PDE4D: variants seen among roughly 807,000 people sequenced by gnomAD.
PDE4D encodes the protein phosphodiesterase 4D.
Under a neutral mutation model 87.4 loss-of-function variants are expected in PDE4D, and 24 were observed. That is an observed-to-expected ratio of 0.27 (90% confidence interval 0.20 to 0.39). The LOEUF is 0.39. Ranked by LOEUF, PDE4D falls within the 10% of genes least tolerant of loss-of-function variation. The pLI, the probability that PDE4D is intolerant of heterozygous loss-of-function variation, is 1.00. For missense variants in PDE4D, 714 were observed against 1,041.0 expected (o/e 0.69, Z 4.32); for synonymous variants, 384 against 383.2 (o/e 1.00, Z -0.02).
intron 1 of PDE4D, among the ~76,000 whole-genome samples, chr5:59,645,689 A>G (rs1026052446): frequency 6.6e-6 from 1 of 152,180 alleles, no homozygotes; most frequent in Non-Finnish European, 1.5e-5. Context: ...AGGCACCACA[A>G]GTCTGTGTGG....
intron 1 of PDE4D, among the ~76,000 whole-genome samples, chr5:60,252,557 G>A (rs1054106257): frequency 8.6e-5 from 13 of 151,738 alleles, no homozygotes; most frequent in Non-Finnish European, 1.6e-4. Flanking sequence ...AGAGTTGAAA[G>A]ACATTTGAAA....
At chr5:59,429,372 C>G (rs926968472) in intron 1 of PDE4D, among the ~76,000 whole-genome samples, 3 of 152,106 alleles carry the variant, frequency 2.0e-5, no homozygotes, top group Non-Finnish European at 2.9e-5. Context: ...AAAATATTGT[C>G]TCACAAAAAT....
chr5:59,183,853 A>G (rs1256919814), intron 4 of PDE4D, among the ~76,000 whole-genome samples: 1 of 152,194 alleles, frequency 6.6e-6, no homozygotes, highest in Non-Finnish European at 1.5e-5. Flanking sequence ...GCATTATGCT[A>G]GGCACAGGGA....
At chr5:59,673,679 T>C (rs1468288369) in intron 1 of PDE4D, among the ~76,000 whole-genome samples, 1 of 152,142 alleles carries the variant, frequency 6.6e-6, no homozygotes, top group African/African-American at 2.4e-5. Context: ...GCATTTTCTC[T>C]CAAAGCTCTG....
chr5:59,856,060 T>G (rs138178298), intron 1 of PDE4D, among the ~76,000 whole-genome samples: 1 of 152,164 alleles, frequency 6.6e-6, no homozygotes, highest in Non-Finnish European at 1.5e-5. Flanking sequence ...AGACTGAATG[T>G]AGAGCTCATA....
intron 1 of PDE4D, among the ~76,000 whole-genome samples, chr5:59,455,823 A>C (rs1465383700): frequency 6.6e-6 from 1 of 152,212 alleles, no homozygotes; most frequent in Non-Finnish European, 1.5e-5. Flanking sequence ...CCCAAATGTG[A>C]GACATGGAGT....
At chr5:59,865,880 T>C (rs1478003907) in intron 1 of PDE4D, among the ~76,000 whole-genome samples, 2 of 152,228 alleles carry the variant, frequency 1.3e-5, no homozygotes, top group African/African-American at 2.4e-5. Context: ...GTAACTATAG[T>C]AAAGTGTGTG....
intron 1 of PDE4D, among the ~76,000 whole-genome samples, chr5:60,508,712 C>T (rs1036219072): frequency 2.6e-5 from 4 of 152,174 alleles, no homozygotes; most frequent in African/African-American, 4.8e-5. Flanking sequence ...ACAATATTTT[C>T]ATCACCTAAT....
intron 1 of PDE4D, among the ~76,000 whole-genome samples, chr5:59,834,966 C>T (rs1741784422): frequency 6.6e-6 from 1 of 151,996 alleles, no homozygotes; most frequent in Non-Finnish European, 1.5e-5. Context: ...CCCATTAAAA[C>T]CTGCTTTCAG....
At chr5:60,219,607 G>A (rs932503858) in intron 1 of PDE4D, among the ~76,000 whole-genome samples, 1 of 152,156 alleles carries the variant, frequency 6.6e-6, no homozygotes, top group African/African-American at 2.4e-5. Context: ...GAGAATTTCA[G>A]TTTACAAATT....
At chr5:59,626,363 C>T (rs1579960184) in intron 1 of PDE4D, among the ~76,000 whole-genome samples, 1 of 152,254 alleles carries the variant, frequency 6.6e-6, no homozygotes. Context: ...AAAATATATA[C>T]AATTTCAATT....
intron 1 of PDE4D, among the ~76,000 whole-genome samples, chr5:59,336,132 A>G (rs1336472574): frequency 6.6e-6 from 1 of 152,178 alleles, no homozygotes; most frequent in African/African-American, 2.4e-5. Context: ...AGTTAATTGA[A>G]TCTCTGAAAG....
rs142597311 is a variant in PDE4D, at chr5:60,084,992, C to T, written c.43-96275G>A. 3.7e-4 allele frequency among the ~76,000 whole-genome samples: 57 copies of T among 152,198 alleles called. No homozygotes were observed. The East Asian group carries it at 7.2e-3, about 19-fold the overall frequency. On this transcript the variant is annotated intron_variant, in intron 2 of 16. Coordinates refer to the PDE4D transcript ENST00000502484. ...GCGTCCATGCCTTATTTAGGTGTTA[C>T]GAGATATTTTGAATATAAACTCTGA...
At chr5:60,317,020 T>C (rs895136452) in intron 1 of PDE4D, among the ~76,000 whole-genome samples, 4 of 148,234 alleles carry the variant, frequency 2.7e-5, no homozygotes, top group African/African-American at 9.9e-5. Flanking sequence ...TTAGGAAGGA[T>C]TCCCTCTTTT....
intron 5 of PDE4D, among the ~76,000 whole-genome samples, chr5:59,078,467 T>C (rs1419822589): frequency 6.6e-6 from 1 of 151,978 alleles, no homozygotes; most frequent in Non-Finnish European, 1.5e-5. Flanking sequence ...AAACTCAGGC[T>C]GAAGTTTAAT....
At chr5:59,577,695 G>T (rs1175565833) in intron 1 of PDE4D, among the ~76,000 whole-genome samples, 1 of 152,120 alleles carries the variant, frequency 6.6e-6, no homozygotes, top group Non-Finnish European at 1.5e-5. Context: ...TAAAGTAGTG[G>T]TGAGCACTGA....
At chr5:59,996,120 A>G (rs995840675) in intron 2 of PDE4D, among the ~76,000 whole-genome samples, 3 of 152,208 alleles carry the variant, frequency 2.0e-5, no homozygotes, top group African/African-American at 7.2e-5. Context: ...ATATATAGAC[A>G]TCATGATTAA....
chr5:59,595,932 T>G (rs1826612573), intron 1 of PDE4D, among the ~76,000 whole-genome samples: 1 of 152,040 alleles, frequency 6.6e-6, no homozygotes, highest in African/African-American at 2.4e-5. Flanking sequence ...CAATGTGTGG[T>G]CCACCATATA....
intron 1 of PDE4D, among the ~76,000 whole-genome samples, chr5:59,714,028 T>C (rs1754617981): frequency 6.6e-6 from 1 of 152,102 alleles, no homozygotes; most frequent in South Asian, 2.1e-4. Flanking sequence ...GAGGCTGTTG[T>C]GAATGCAGGC....
Sources: gnomAD v4.1 joint callset for allele counts (sites outside exome capture counted in the v4.1 genomes callset) on GRCh38, gnomAD v4.1.1 for gene constraint, MANE v1.5 for transcripts, NCBI Gene and HGNC (gene_info 2026-07-23, HGNC 2026-07-21) for gene names.